The following MAF variants were observed in gnomAD, a reference collection of about 807,000 sequenced individuals.
MAF encodes the protein MAF bZIP transcription factor, also known as transcription factor Maf.
In MAF, 10 loss-of-function variants were observed where a neutral mutation model predicts 22.0. That is an observed-to-expected ratio of 0.45 (90% CI 0.28 to 0.77). MAF has a LOEUF of 0.77. Among genes scored for constraint, MAF ranks in the 30% least tolerant of loss-of-function variants. The pLI is 0.12. For synonymous variants in MAF, 337 were observed against 255.8 expected, an observed-to-expected ratio of 1.32 and a Z score of -3.03; for missense variants, 544 against 548.4, an observed-to-expected ratio of 0.99 and a Z score of 0.08.
the MAF span, among the ~76,000 whole-genome samples, chr16:79,507,146 C>G: frequency 1.1e-4 from 14 of 131,126 alleles, no homozygotes; most frequent in Admixed American, 5.8e-4. Context: ...TGGAGTTTTA[C>G]TCTCTCGCCC....
the MAF span, among the ~76,000 whole-genome samples, chr16:79,461,453 C>T: frequency 6.6e-6 from 1 of 152,300 alleles, no homozygotes; most frequent in Middle Eastern, 3.4e-3. Flanking sequence ...GCCATGTCAG[C>T]TCAGCCAGCA....
the MAF span, among the ~76,000 whole-genome samples, chr16:79,336,990 C>T: frequency 6.6e-6 from 1 of 152,208 alleles, no homozygotes; most frequent in East Asian, 1.9e-4. Flanking sequence ...GTGTATACTG[C>T]AGACTACTTA....
At chr16:79,301,657 A>T in the MAF span, among the ~76,000 whole-genome samples, 1 of 152,176 alleles carries the variant, frequency 6.6e-6, no homozygotes, top group Admixed American at 6.5e-5. Flanking sequence ...ACACATACAT[A>T]TATGCATGCA....
chr16:79,503,553 C>T, the MAF span, among the ~76,000 whole-genome samples: 1 of 152,160 alleles, frequency 6.6e-6, no homozygotes, highest in Non-Finnish European at 1.5e-5. Flanking sequence ...ATCATACTGC[C>T]TTCTTTTGAT....
the MAF span, among the ~76,000 whole-genome samples, chr16:79,525,694 G>A: frequency 0.023 from 3,569 of 152,160 alleles, 125 homozygotes; most frequent in African/African-American, 0.071. Context: ...GGTGTTTAAA[G>A]CCTGCTAAGA....
chr16:79,569,866 T>C, the MAF span, among the ~76,000 whole-genome samples: 2 of 152,146 alleles, frequency 1.3e-5, no homozygotes, highest in African/African-American at 4.8e-5. Context: ...GGGGTCAAAG[T>C]AAAACAAGTT....
the MAF span, among the ~76,000 whole-genome samples, chr16:79,576,801 G>T: frequency 6.6e-6 from 1 of 152,030 alleles, no homozygotes; most frequent in Non-Finnish European, 1.5e-5. Flanking sequence ...TTTAATCCAG[G>T]TGCTTTACAT....
the MAF span, among the ~76,000 whole-genome samples, chr16:79,451,652 T>C: frequency 3.3e-5 from 5 of 152,206 alleles, no homozygotes; most frequent in African/African-American, 1.2e-4. Context: ...GTTTGAAGTA[T>C]ATACATTTAA....
chr16:79,457,509 T>C, the MAF span, among the ~76,000 whole-genome samples: 2 of 152,060 alleles, frequency 1.3e-5, no homozygotes, highest in Non-Finnish European at 2.9e-5. Flanking sequence ...ATTTTTTCAT[T>C]CAACCATGTC....
chr16:79,582,262 T>C (rs927229022), downstream of MAF, among the ~76,000 whole-genome samples: 4 of 152,296 alleles, frequency 2.6e-5, no homozygotes, highest in African/African-American at 9.6e-5. Context: ...AGTTTAAACA[T>C]TGGCATCTGT....
chr16:79,469,236 T>A, the MAF span, among the ~76,000 whole-genome samples: 3 of 152,220 alleles, frequency 2.0e-5, no homozygotes, highest in African/African-American at 7.2e-5. Context: ...CATTCCTCAA[T>A]GGCAGAGTTG....
the MAF span, among the ~76,000 whole-genome samples, chr16:79,355,910 A>G: frequency 6.6e-6 from 1 of 152,158 alleles, no homozygotes; most frequent in African/African-American, 2.4e-5. Context: ...TGAGTTCCAA[A>G]TAAGATTCTG....
At chr16:79,527,593 G>A in the MAF span, among the ~76,000 whole-genome samples, 1 of 152,056 alleles carries the variant, frequency 6.6e-6, no homozygotes, top group Non-Finnish European at 1.5e-5. Flanking sequence ...ACTTCTTAGG[G>A]AAGTCCCATC....
At chr16:79,598,418 G>A (rs2143790024) in intron 1 of MAF, 5 of 775,874 alleles carry the variant, frequency 6.4e-6, no homozygotes, top group Non-Finnish European at 8.5e-6. Context: ...TGAGATCATT[G>A]AACATTGTGC....
the MAF span, among the ~76,000 whole-genome samples, chr16:79,366,398 T>C: frequency 6.6e-6 from 1 of 152,232 alleles, no homozygotes; most frequent in East Asian, 1.9e-4. Flanking sequence ...GTCTTCTTAC[T>C]TTTTTGTAAC....
the MAF span, among the ~76,000 whole-genome samples, chr16:79,463,258 T>G: frequency 6.6e-6 from 1 of 152,016 alleles, no homozygotes; most frequent in East Asian, 1.9e-4. Context: ...ATGGTAGGAG[T>G]TGGGCTTTCA....
the MAF span, among the ~76,000 whole-genome samples, chr16:79,325,915 G>T: frequency 1.3e-5 from 2 of 152,254 alleles, no homozygotes; most frequent in Non-Finnish European, 2.9e-5. Context: ...ATCTTACCAG[G>T]ATCCCCACAC....
the MAF span, among the ~76,000 whole-genome samples, chr16:79,543,216 G>A: frequency 1.3e-5 from 2 of 152,286 alleles, no homozygotes; most frequent in Non-Finnish European, 2.9e-5. Context: ...AGGTAGGCGC[G>A]ATCCATGCTA....
At chr16:79,598,470 A>AAC (rs1913714591) in intron 1 of MAF, 3 of 1,303,790 alleles carry the variant, frequency 2.3e-6, no homozygotes, top group Admixed American at 3.2e-5. Context: ...AAAAAAAAAA[A>AAC]ACAAGCTAGC....
Sources: gnomAD v4.1 joint callset for allele counts (sites outside exome capture counted in the v4.1 genomes callset) on GRCh38, gnomAD v4.1.1 for gene constraint, MANE v1.5 for transcripts, NCBI Gene and HGNC (gene_info 2026-07-23, HGNC 2026-07-21) for gene names.